Variants in ESYT2 observed in about 807,000 individuals in gnomAD.
ESYT2 encodes extended synaptotagmin-2.
Under a neutral mutation model 107.2 loss-of-function variants are expected in ESYT2, and 54 were observed. The ratio of observed to expected loss-of-function variants is 0.50; its 90% CI spans 0.40 to 0.63. The LOEUF (loss-of-function observed/expected upper bound fraction) is 0.63, where lower values mean the gene tolerates loss of function less well. ESYT2 is among the 30% of genes least tolerant of loss of function. The pLI is 0.00. For synonymous variants in ESYT2, 491 were observed against 434.1 expected (o/e 1.13, Z -1.63); for missense variants, 1,020 against 1,094.5 (o/e 0.93, Z 0.96).
chr7:158,806,150 T>TGGG (rs1344829172), intron 1 of ESYT2, among the ~76,000 whole-genome samples: 8 of 146,982 alleles, frequency 5.4e-5, no homozygotes, highest in African/African-American at 1.9e-4. Context: ...GCACACCGCG[T>TGGG]AGGAGGCGCT....
chr7:158,738,981 C>T, intron 19 of ESYT2, 42 bp downstream of exon 19: 1 of 1,583,028 alleles, frequency 6.3e-7, no homozygotes. Context: ...AGCATCCACA[C>T]TCAGCAGCAC....
chr7:158,735,535 A>G lies in ESYT2; in HGVS notation c.2473T>C (p.Phe825Leu), dbSNP rs201451499. The change falls in exon 21 of 23, where the codon TTC becomes CTC. Residue 825 changes from phenylalanine to leucine, a missense_variant. Transcript: ENST00000275418. The part of the protein sequence containing the change: ...LDVAVKNSGG[F>L]LSKDKGLLGK... ...AGGAGCCCTTTGTCTTTGGACAGGA[A>G]GCCGCCACTGTTCTTCACGGCAACG... 1.9e-4 allele frequency: 305 copies of G among 1,614,034 alleles called. No homozygotes were observed. The highest frequency in any genetic ancestry group is 2.5e-4 in the Non-Finnish European group (295 of 1,180,010).
intron 6 of ESYT2, among the ~76,000 whole-genome samples, chr7:158,782,562 AGT>A (rs1300801863): frequency 2.7e-5 from 4 of 147,460 alleles, no homozygotes; most frequent in East Asian, 2.0e-4. Flanking sequence ...GCAGCGGGAA[AGT>A]GGGAGTGTGA....
At position 158,798,133 on chromosome 7, in the gene ESYT2, C is replaced by T. The variant is rs905246845; in HGVS notation, c.373-57G>A. ...AATGCTATATAATGCATGACACACA[C>T]GAGTGCTCGTGAGAAACCCTCGCAA... is the stretch of plus-strand genomic sequence containing the variant. On this transcript the variant is annotated intron_variant, in intron 2 of 22. Transcript: ENST00000275418. The T allele has an allele frequency of 2.2e-5, 35 of 1,589,356 alleles. 2 individuals are homozygous for T. Among genetic ancestry groups the T allele is most frequent in the South Asian group, 1.3e-4 (12 of 88,910 alleles).
At chr7:158,758,425 C>T (rs71547570) in intron 13 of ESYT2, among the ~76,000 whole-genome samples, 15,936 of 152,104 alleles carry the variant, frequency 0.1, 858 homozygotes, top group African/African-American at 0.12. Flanking sequence ...ATCGAGAGGC[C>T]GATAACTGAG....
At chr7:158,775,607 G>C (rs984536939) in intron 6 of ESYT2, among the ~76,000 whole-genome samples, 3 of 152,144 alleles carry the variant, frequency 2.0e-5, no homozygotes, top group African/African-American at 7.2e-5. Flanking sequence ...CTTTGATCCT[G>C]AGACTGCAGC....
At chr7:158,808,426 A>C in intron 1 of ESYT2, among the ~76,000 whole-genome samples, 1 of 152,240 alleles carries the variant, frequency 6.6e-6, no homozygotes, top group East Asian at 1.9e-4. Flanking sequence ...TATTTTACTT[A>C]ATGGCCCAAA....
chr7:158,745,458 G>C (rs1382100620), intron 16 of ESYT2, among the ~76,000 whole-genome samples: 1 of 152,198 alleles, frequency 6.6e-6, no homozygotes, highest in Non-Finnish European at 1.5e-5. Context: ...GAACTAGTAA[G>C]GCCCCAGAGG....
At position 158,781,986 on chromosome 7, in the gene ESYT2, T is replaced by A. The variant is rs112025732; in HGVS notation, c.747+6018A>T. On this transcript the variant is annotated intron_variant, in intron 6 of 22. Transcript: ENST00000275418. The stretch of plus-strand genomic sequence containing the variant: ...GAGTGTGAGAACAAAGTGTGAGATG[T>A]GTGTAATTACGAGAACAAGTGTGTG... 2.2e-4 allele frequency among the ~76,000 whole-genome samples: 33 copies of A among 146,748 alleles called. 1 individual carries two copies. Among genetic ancestry groups the A allele is most frequent in the Non-Finnish European group, 3.6e-4 (24 of 65,878 alleles).
chr7:158,737,168 G>A lies in ESYT2; in HGVS notation c.2279C>T (p.Ala760Val), dbSNP rs1563614074. 2 of 1,613,562 alleles carry A rather than the reference G, an allele frequency of 1.2e-6. No individual in the cohort carries two copies. The highest frequency in any genetic ancestry group is 1.7e-6 in the Non-Finnish European group (2 of 1,179,698). ...VVVHACRNLI[A>V]FSEDGSDPYV... ...GGGGTCAGAGCCGTCTTCAGAGAAG[G>A]CAATGAGGTTTCTTACAACACAAAC... Residue 760 changes from alanine (A) to valine (V), a missense_variant, in exon 20 of 23, where the codon GCC becomes GTC. By Grantham distance (64) the Ala-to-Val change is moderately conservative. Coordinates refer to ENST00000275418, the MANE Select transcript of ESYT2 (RefSeq NM_001367773.1).
At chr7:158,749,854 G>A in intron 14 of ESYT2, 131 bp from the exon 15 acceptor site, 1 of 801,758 alleles carries the variant, frequency 1.2e-6, no homozygotes, top group Non-Finnish European at 1.9e-6. Flanking sequence ...GAATATCTGG[G>A]AACAATTTAA....
chr7:158,828,046 G>A (rs1019277720), intron 1 of ESYT2, among the ~76,000 whole-genome samples: 1 of 152,058 alleles, frequency 6.6e-6, no homozygotes, highest in African/African-American at 2.4e-5. Flanking sequence ...AAAACTTCCT[G>A]CCACACACAC....
At chr7:158,738,753 A>G (rs1241592493) in intron 19 of ESYT2, among the ~76,000 whole-genome samples, 2 of 152,256 alleles carry the variant, frequency 1.3e-5, no homozygotes, top group Admixed American at 6.5e-5. Context: ...ATGCCAAGCC[A>G]TATTTGTGTA....
intron 1 of ESYT2, among the ~76,000 whole-genome samples, chr7:158,800,942 C>G (rs968052425): frequency 4.6e-5 from 7 of 152,092 alleles, no homozygotes; most frequent in Non-Finnish European, 2.9e-5. Flanking sequence ...TTGTCCATCA[C>G]TGCCTCACTG....
At position 158,788,083 on chromosome 7, in the gene ESYT2, G is replaced by A. The variant is rs771835380; in HGVS notation, c.668C>T (p.Thr223Ile). 3 of 1,613,906 alleles carry A rather than the reference G, an allele frequency of 1.9e-6. No individual in the cohort carries two copies. Among genetic ancestry groups the A allele is most frequent in the Non-Finnish European group, 2.5e-6 (3 of 1,179,848 alleles). The change falls in exon 6 of 23, where the codon ACC (threonine) becomes ATC (isoleucine). Residue 223 changes from threonine (T) to isoleucine (I), a missense_variant. Physicochemically the swap from Thr to Ile is moderately conservative, Grantham distance 89. Transcript: ENST00000275418. The stretch of plus-strand genomic sequence containing the variant: ...CAACGGTTCCAGGATCACCCGCATG[G>A]TACCATGAATCTAAACTCAAACAGG... ...AGVKSIQIHG[T>I]MRVILEPLIG...
At chr7:158,778,456 T>C (rs1240898423) in intron 6 of ESYT2, among the ~76,000 whole-genome samples, 1 of 128,174 alleles carries the variant, frequency 7.8e-6, no homozygotes, top group South Asian at 2.4e-4. Flanking sequence ...TGGATAAAAA[T>C]GTAAAAAAAA....
In ESYT2 at chr7:158,777,041, T is replaced by TA. The variant is rs112432286; in HGVS notation, c.748-3646dup. ...CTAATTTTTGTATTTTTTTTTTTTT[T>TA]AAGTAGAGAGGTGTTTTCACTATGT... is the stretch of plus-strand genomic sequence containing the variant. On this transcript the variant is annotated intron_variant, in intron 6 of 22. Transcript: ENST00000275418. 3.8e-4 allele frequency among the ~76,000 whole-genome samples: 57 copies of TA among 150,960 alleles called. 2 individuals carry two copies. Among genetic ancestry groups the TA allele is most frequent in the African/African-American group, 8.3e-4 (34 of 41,094 alleles).
chr7:158,735,969 G>C (rs1224632026), intron 20 of ESYT2, among the ~76,000 whole-genome samples: 2 of 152,270 alleles, frequency 1.3e-5, no homozygotes, highest in East Asian at 1.9e-4. Flanking sequence ...ACTCACTCAG[G>C]CTTTCCACTC....
chr7:158,757,664 G>A (rs912580760), intron 13 of ESYT2, among the ~76,000 whole-genome samples: 7 of 152,156 alleles, frequency 4.6e-5, no homozygotes, highest in Non-Finnish European at 8.8e-5. Flanking sequence ...GGCACCCCGC[G>A]GCTCTGCAAA....
Sources: gnomAD v4.1 joint callset for allele counts (sites outside exome capture counted in the v4.1 genomes callset) on GRCh38, gnomAD v4.1.1 for gene constraint, MANE v1.5 for transcripts, NCBI Gene and HGNC (gene_info 2026-07-23, HGNC 2026-07-21) for gene names.